VPS13B: variants seen among roughly 807,000 people sequenced by gnomAD.
VPS13B encodes intermembrane lipid transfer protein VPS13B.
In VPS13B, 285 loss-of-function variants were observed where a neutral mutation model predicts 426.4. The ratio of observed to expected loss-of-function variants is 0.67; its 90% CI spans 0.61 to 0.74. The LOEUF is 0.74. VPS13B is among the 30% of genes least tolerant of loss of function. VPS13B has a pLI of 0.00. For synonymous variants in VPS13B, 1,676 were observed against 1,676.4 expected, an observed-to-expected ratio of 1.00 and a Z score of 0.01; for missense variants, 4,537 against 4,782.6, an observed-to-expected ratio of 0.95 and a Z score of 1.51.
chr8:99,723,933 A>T (rs1833230409), intron 39 of VPS13B, among the ~76,000 whole-genome samples: 1 of 152,230 alleles, frequency 6.6e-6, no homozygotes, highest in African/African-American at 2.4e-5. Context: ...ACTTGGATCG[A>T]GGAACAGATC....
At chr8:99,124,558 A>G (rs981335481) in intron 8 of VPS13B, among the ~76,000 whole-genome samples, 2 of 152,176 alleles carry the variant, frequency 1.3e-5, no homozygotes. Flanking sequence ...AAATTGTGGT[A>G]TATACATACA....
chr8:99,739,931 G>A (rs1476974473), intron 39 of VPS13B, among the ~76,000 whole-genome samples: 2 of 152,188 alleles, frequency 1.3e-5, no homozygotes, highest in African/African-American at 4.8e-5. Context: ...TCCTCCAAAG[G>A]AACGCAGCTC....
chr8:99,631,823 C>T (rs1021560788), intron 33 of VPS13B, among the ~76,000 whole-genome samples: 4 of 151,506 alleles, frequency 2.6e-5, no homozygotes, highest in African/African-American at 9.7e-5. Flanking sequence ...TAGCTAGTGC[C>T]TAGAACATAG....
At chr8:99,271,199 ACTACTACTACT>A (rs1344025816) in intron 17 of VPS13B, among the ~76,000 whole-genome samples, 2 of 24,902 alleles carry the variant, frequency 8.0e-5, no homozygotes, top group African/African-American at 2.1e-4. Context: ...ACCACTAACT[ACTACTACTACT>A]ACTACTACTA....
intron 33 of VPS13B, among the ~76,000 whole-genome samples, chr8:99,602,433 A>G (rs905122338): frequency 5.3e-5 from 8 of 152,194 alleles, no homozygotes; most frequent in Non-Finnish European, 1.0e-4. Context: ...AGGTAACGTG[A>G]TGCCTCCAGC....
chr8:99,357,617 T>C (rs1161834852), intron 19 of VPS13B, among the ~76,000 whole-genome samples: 2 of 152,192 alleles, frequency 1.3e-5, no homozygotes, highest in African/African-American at 4.8e-5. Flanking sequence ...TGAGTGACAA[T>C]ATTGTGATGT....
chr8:99,172,163 A>G (rs1315081876), intron 16 of VPS13B, among the ~76,000 whole-genome samples: 1 of 152,154 alleles, frequency 6.6e-6, no homozygotes, highest in African/African-American at 2.4e-5. Context: ...CTTCATGTTC[A>G]TGTTTGTTAA....
At chr8:99,494,641 A>G (rs901059877) in intron 25 of VPS13B, among the ~76,000 whole-genome samples, 23 of 152,082 alleles carry the variant, frequency 1.5e-4, no homozygotes, top group Non-Finnish European at 2.8e-4. Flanking sequence ...GCTAAAAGAC[A>G]TAATTTTACT....
At chr8:99,547,973 T>A (rs1824080103) in intron 30 of VPS13B, among the ~76,000 whole-genome samples, 1 of 152,128 alleles carries the variant, frequency 6.6e-6, no homozygotes, top group Non-Finnish European at 1.5e-5. Context: ...GTCCTGTTTA[T>A]GATAGCAAAC....
intron 19 of VPS13B, among the ~76,000 whole-genome samples, chr8:99,322,197 C>G (rs1384912132): frequency 6.6e-6 from 1 of 152,052 alleles, no homozygotes; most frequent in Non-Finnish European, 1.5e-5. Flanking sequence ...CTGCTGTTTA[C>G]TAATAGTTTA....
At chr8:99,738,890 G>C (rs1001153520) in intron 39 of VPS13B, among the ~76,000 whole-genome samples, 1 of 152,200 alleles carries the variant, frequency 6.6e-6, no homozygotes, top group Non-Finnish European at 1.5e-5. Context: ...AGAGCTCCCA[G>C]CATGAGCAAC....
chr8:99,686,378 G>A (rs1220317746), intron 35 of VPS13B, among the ~76,000 whole-genome samples: 1 of 150,710 alleles, frequency 6.6e-6, no homozygotes, highest in Admixed American at 6.6e-5. Context: ...CTATCCGCCT[G>A]TGTTCACTCA....
At chr8:99,330,765 G>C (rs1810502915) in intron 19 of VPS13B, among the ~76,000 whole-genome samples, 1 of 151,806 alleles carries the variant, frequency 6.6e-6, no homozygotes. Context: ...AACCAGAACG[G>C]AAACTATCAA....
At chr8:99,354,276 T>G (rs1812062496) in intron 19 of VPS13B, among the ~76,000 whole-genome samples, 1 of 98,220 alleles carries the variant, frequency 1.0e-5, no homozygotes, top group African/African-American at 4.5e-5. Flanking sequence ...CTTTTTTTTT[T>G]TTTTTTTTTT....
chr8:99,508,987 A>G (rs1297716410), intron 28 of VPS13B, among the ~76,000 whole-genome samples: 1 of 152,128 alleles, frequency 6.6e-6, no homozygotes, highest in East Asian at 1.9e-4. Flanking sequence ...TTTCCAAATT[A>G]AAACATTTAT....
At chr8:99,171,184 A>G (rs548424151) in intron 16 of VPS13B, among the ~76,000 whole-genome samples, 75 of 151,856 alleles carry the variant, frequency 4.9e-4, no homozygotes, top group Non-Finnish European at 9.3e-4. Flanking sequence ...GATAAATTTC[A>G]TTTTGTCCTT....
intron 17 of VPS13B, among the ~76,000 whole-genome samples, chr8:99,218,593 G>A (rs537124840): frequency 3.9e-5 from 6 of 152,306 alleles, no homozygotes; most frequent in South Asian, 4.1e-4. Context: ...TTTAGCTGTT[G>A]TGTGCTCTTT....
chr8:99,705,944 A>G (rs1055211006), intron 36 of VPS13B, among the ~76,000 whole-genome samples: 2 of 152,084 alleles, frequency 1.3e-5, no homozygotes, highest in Non-Finnish European at 2.9e-5. Flanking sequence ...GGTGTAGTGA[A>G]CATGATGTAC....
intron 39 of VPS13B, among the ~76,000 whole-genome samples, chr8:99,743,299 A>G (rs1031447133): frequency 1.6e-4 from 24 of 152,110 alleles, no homozygotes; most frequent in African/African-American, 5.5e-4. Flanking sequence ...AGAACTACAA[A>G]CCACTGCTCA....
Sources: allele counts gnomAD v4.1 joint callset (sites outside exome capture counted in the v4.1 genomes callset), GRCh38; gene constraint gnomAD v4.1.1; transcripts MANE v1.5; gene names NCBI Gene and HGNC (gene_info 2026-07-23, HGNC 2026-07-21).